The following TMA16 variants were observed in gnomAD, a reference collection of about 807,000 sequenced individuals.
TMA16 encodes the protein translation machinery-associated protein 16.
In TMA16, 26 loss-of-function variants were observed where a neutral mutation model predicts 27.1. That is an observed-to-expected ratio of 0.96 (90% confidence interval 0.70 to 1.33). The LOEUF (loss-of-function observed/expected upper bound fraction) is 1.33. TMA16 is among the 40% of genes most tolerant of loss of function. TMA16 has a pLI of 0.00. For synonymous variants in TMA16, 71 were observed against 81.9 expected, an observed-to-expected ratio of 0.87 and a Z score of 0.72; for missense variants, 233 against 241.4, an observed-to-expected ratio of 0.97 and a Z score of 0.23.
At chr4:163,515,754 A>C (rs1053385404) in intron 5 of TMA16, 4 of 221,174 alleles carry the variant, frequency 1.8e-5, no homozygotes, top group South Asian at 8.9e-5. Context: ...CAGAACTCCA[A>C]ATTTGCAGTA....
chr4:163,518,348 C>T lies in TMA16; in HGVS notation c.431+872C>T, dbSNP rs183445702. 4.2e-3 allele frequency among the ~76,000 whole-genome samples: 647 copies of T among 152,250 alleles called. 1 individual carries two copies. The highest frequency in any genetic ancestry group is 7.3e-3 in the Admixed American group (111 of 15,276). ...CTTGACAAAAAATTTATGGCTAAGT[C>T]CTCAAGCAATTGCAGTAAAAACGAA... On this transcript the variant is annotated intron_variant, in intron 6 of 6. Transcript: ENST00000358572.
At chr4:163,507,670 A>G (rs907486034) in intron 2 of TMA16, among the ~76,000 whole-genome samples, 3 of 152,086 alleles carry the variant, frequency 2.0e-5, no homozygotes, top group Admixed American at 6.6e-5. Context: ...CCTAAGGAGT[A>G]ACTGTTGACA....
chr4:163,510,349 C>T (rs1737774628), intron 2 of TMA16, among the ~76,000 whole-genome samples: 1 of 151,506 alleles, frequency 6.6e-6, no homozygotes, highest in Non-Finnish European at 1.5e-5. Context: ...ATTTCATCTT[C>T]CTAGAAAATT....
intron 5 of TMA16, chr4:163,517,192 G>A (rs1200054895): frequency 2.7e-5 from 12 of 447,838 alleles, no homozygotes; most frequent in East Asian, 1.4e-4. Context: ...ATGAGCCACC[G>A]CGCCTGGCCT....
intron 6 of TMA16, among the ~76,000 whole-genome samples, chr4:163,518,117 T>G (rs996006831): frequency 1.3e-5 from 2 of 152,108 alleles, no homozygotes. Context: ...ACGTGGTGTT[T>G]TTAGCTCTTA....
chr4:163,512,808 C>T lies in TMA16; in HGVS notation c.117-14C>T. On this transcript the variant is annotated splice_polypyrimidine_tract_variant and intron_variant, in intron 2 of 6. Transcript: ENST00000358572. ...GGAAATTTTCTAACACATATATTTA[C>T]CTTTCCTTCAAAGATTGAAGAATGA... 1 of 1,592,868 alleles carries T rather than the reference C, an allele frequency of 6.3e-7. No individual in the cohort carries two copies. The highest frequency in any genetic ancestry group is 1.1e-5 in the South Asian group (1 of 87,052).
At chr4:163,517,971 GTTT>G (rs10718981) in intron 6 of TMA16, among the ~76,000 whole-genome samples, 1 of 147,608 alleles carries the variant, frequency 6.8e-6, no homozygotes, top group African/African-American at 2.5e-5. Flanking sequence ...GATTTTTTAG[GTTT>G]TTTTTTTTTC....
chr4:163,510,522 A>G (rs572025002), intron 2 of TMA16, among the ~76,000 whole-genome samples: 12 of 152,280 alleles, frequency 7.9e-5, no homozygotes, highest in African/African-American at 2.6e-4. Context: ...CACGTAGCAT[A>G]ATGTTTGAGA....
Position 163,494,930 on chromosome 4 carries a change from C to T in TMA16, c.3+126C>T. Reference sequence around the variant, plus strand: ...GGGGAGGATGCAAAGTGTTTATTTTCAGGGAGTGTGCGGGGTGCGGGGCGA... The same window carrying T: ...GGGGAGGATGCAAAGTGTTTATTTTTAGGGAGTGTGCGGGGTGCGGGGCGA... On this transcript the variant is annotated intron_variant, in intron 1 of 6. Transcript: ENST00000358572. 3.6e-6 allele frequency: 5 copies of T among 1,402,638 alleles called. No homozygotes were observed. The East Asian group carries it at 9.3e-5, about 26-fold the overall frequency. 86.9% of individuals were successfully genotyped at this position (1,402,638 alleles called of 1,614,324 possible).
At chr4:163,496,761 C>T (rs922896371) in intron 1 of TMA16, among the ~76,000 whole-genome samples, 2 of 152,002 alleles carry the variant, frequency 1.3e-5, no homozygotes, top group Admixed American at 6.6e-5. Flanking sequence ...CCACACCCAG[C>T]TAATTTTTGT....
intron 1 of TMA16, among the ~76,000 whole-genome samples, chr4:163,496,529 T>A (rs1737555663): frequency 6.6e-6 from 1 of 152,220 alleles, no homozygotes; most frequent in African/African-American, 2.4e-5. Flanking sequence ...ATATAAATAA[T>A]CTTTTCAAAT....
chr4:163,506,308 A>T lies in TMA16; in HGVS notation c.4-725A>T, dbSNP rs550653472. On this transcript the variant is annotated intron_variant, in intron 1 of 6. Transcript: ENST00000358572. Reference sequence around the variant, plus strand: ...TCAGCTCCTACTTTTAACAATAAAGAACCAAACTTAAGCTGGGTTATGCCA... The same window carrying T: ...TCAGCTCCTACTTTTAACAATAAAGTACCAAACTTAAGCTGGGTTATGCCA... Among the ~76,000 whole-genome samples, 4 of 152,278 alleles carry T rather than the reference A, an allele frequency of 2.6e-5. No individual in the cohort carries two copies. The East Asian group carries it at 7.7e-4, about 29-fold the overall frequency.
At chr4:163,517,326 A>G in intron 5 of TMA16, 108 bp from the exon 6 acceptor site, 1 of 1,116,566 alleles carries the variant, frequency 9.0e-7, no homozygotes, top group Admixed American at 2.3e-5. Flanking sequence ...ATACTTCGAA[A>G]TTTTGTTTTC....
chr4:163,502,513 G>A (rs1737662467), intron 1 of TMA16, among the ~76,000 whole-genome samples: 1 of 152,098 alleles, frequency 6.6e-6, no homozygotes, highest in Non-Finnish European at 1.5e-5. Context: ...ATGCTGAGCA[G>A]TGCAGTACAT....
chr4:163,500,599 G>A (rs1401018249), intron 1 of TMA16, among the ~76,000 whole-genome samples: 3 of 152,166 alleles, frequency 2.0e-5, no homozygotes, highest in Non-Finnish European at 2.9e-5. Context: ...AAACAAGACA[G>A]TGCCTTCTTT....
chr4:163,507,361 C>T (rs1179318051), intron 2 of TMA16, among the ~76,000 whole-genome samples: 1 of 152,010 alleles, frequency 6.6e-6, no homozygotes, highest in Admixed American at 6.6e-5. Flanking sequence ...TGATGAGTGC[C>T]ATGAAAAATT....
intron 1 of TMA16, 159 bp downstream of exon 1, chr4:163,494,963 G>A (rs1737527057): frequency 2.8e-6 from 3 of 1,067,140 alleles, no homozygotes; most frequent in East Asian, 5.1e-5. Context: ...CGAAGCCTCT[G>A]GGAGGCGAGT....
chr4:163,497,812 G>A (rs1366470389), intron 1 of TMA16, among the ~76,000 whole-genome samples: 8 of 152,158 alleles, frequency 5.3e-5, no homozygotes, highest in South Asian at 2.1e-4. Context: ...GAATCAGGGC[G>A]TGGATATCTT....
At chr4:163,512,985 C>A in intron 3 of TMA16, 126 bp downstream of exon 3, 1 of 612,288 alleles carries the variant, frequency 1.6e-6, no homozygotes. Context: ...CAGACTTGAT[C>A]TAAACAAAGC....
Sources: allele counts gnomAD v4.1 joint callset (sites outside exome capture counted in the v4.1 genomes callset), GRCh38; gene constraint gnomAD v4.1.1; transcripts MANE v1.5; gene names NCBI Gene and HGNC (gene_info 2026-07-23, HGNC 2026-07-21).